The following TANGO6 variants were observed in gnomAD, a reference collection of about 807,000 sequenced individuals.
The protein encoded by TANGO6 is transport and golgi organization 6 homolog, also known as transport and Golgi organization protein 6 homolog.
A neutral mutation model predicts 114.2 loss-of-function variants in TANGO6; 90 were observed. The ratio of observed to expected loss-of-function variants is 0.79; its 90% CI spans 0.66 to 0.94. The LOEUF is 0.94. Ranked by LOEUF, TANGO6 falls within the 40% of genes least tolerant of loss-of-function variation. TANGO6 has a pLI of 0.00. For missense variants in TANGO6, 1,274 were observed against 1,315.3 expected, an observed-to-expected ratio of 0.97 and a Z score of 0.49; for synonymous variants, 477 against 509.8, an observed-to-expected ratio of 0.94 and a Z score of 0.87.
intron 17 of TANGO6, 81 bp downstream of exon 17, chr16:69,040,502 C>A: frequency 8.7e-7 from 1 of 1,144,028 alleles, no homozygotes; most frequent in South Asian, 1.4e-5. Flanking sequence ...CCAGGGAAGG[C>A]CTCAAACCTC....
intron 6 of TANGO6, among the ~76,000 whole-genome samples, chr16:68,878,718 A>C (rs528882625): frequency 2.5e-4 from 38 of 152,136 alleles, no homozygotes; most frequent in Non-Finnish European, 4.3e-4. Flanking sequence ...ATTCCATTCA[A>C]ACTTCTCTAA....
chr16:68,941,795 G>T (rs1488132335), intron 14 of TANGO6, among the ~76,000 whole-genome samples: 1 of 151,938 alleles, frequency 6.6e-6, no homozygotes, highest in African/African-American at 2.4e-5. Flanking sequence ...GTTTCTCAAA[G>T]ATATTAAAAG....
At position 69,033,143 on chromosome 16, in the gene TANGO6, A is replaced by C. The variant is rs940539305; in HGVS notation, c.2995-7165A>C. Among the ~76,000 whole-genome samples, 6 of 152,220 alleles carry C rather than the reference A, an allele frequency of 3.9e-5. No homozygotes were observed. The East Asian group carries it at 1.2e-3, about 29-fold the overall frequency. On this transcript the variant is annotated intron_variant, in intron 16 of 17. Transcript: ENST00000261778. ...GGAGGTTGCAGTGAGCTGAGATCAC[A>C]CCACTGTACTCCAGCCTGGGCAACA...
chr16:69,057,705 A>G (rs1450808783), intron 17 of TANGO6, among the ~76,000 whole-genome samples: 1 of 152,224 alleles, frequency 6.6e-6, no homozygotes, highest in Non-Finnish European at 1.5e-5. Flanking sequence ...AAAAGAGGCC[A>G]GACCACATCC....
In TANGO6 at chr16:69,084,909, T is replaced by C. The variant is rs2152247051; in HGVS notation, c.*1248T>C. On this transcript the variant is annotated 3_prime_UTR_variant, in exon 18 of 18. Transcript: ENST00000261778. ...TTTCTCTCTGGCCAGATCACAGACA[T>C]GGTTCTGAGTCAGATCTTCCTTGGT... 1 of 152,460 alleles carries C rather than the reference T, an allele frequency of 6.6e-6. No homozygotes were observed. The highest frequency in any genetic ancestry group is 2.1e-4 in the South Asian group (1 of 4,830). The allele number at this position is 152,460 out of a possible 1,614,324, so 9.4% of individuals were successfully genotyped here.
At chr16:68,966,830 G>A (rs1963651130) in intron 14 of TANGO6, among the ~76,000 whole-genome samples, 1 of 149,328 alleles carries the variant, frequency 6.7e-6, no homozygotes, top group Non-Finnish European at 1.5e-5. Flanking sequence ...GGAGTGCAGT[G>A]GCATGATCTC....
intron 15 of TANGO6, among the ~76,000 whole-genome samples, chr16:68,976,607 C>T (rs2152213665): frequency 6.6e-6 from 1 of 152,272 alleles, no homozygotes; most frequent in African/African-American, 2.4e-5. Context: ...AACCTGTGCT[C>T]CATAGACTTA....
intron 15 of TANGO6, among the ~76,000 whole-genome samples, chr16:69,014,483 G>A (rs1959256024): frequency 1.3e-5 from 2 of 152,166 alleles, no homozygotes; most frequent in South Asian, 2.1e-4. Flanking sequence ...GAATCACATG[G>A]GGAGGGATGG....
At chr16:68,894,269 A>T (rs1962673959) in intron 7 of TANGO6, among the ~76,000 whole-genome samples, 2 of 152,194 alleles carry the variant, frequency 1.3e-5, no homozygotes, top group South Asian at 4.1e-4. Flanking sequence ...AAGTGACCAG[A>T]TTCTACTTTG....
intron 17 of TANGO6, among the ~76,000 whole-genome samples, chr16:69,068,303 T>C (rs1377674679): frequency 1.3e-5 from 2 of 152,000 alleles, no homozygotes; most frequent in East Asian, 1.9e-4. Flanking sequence ...GTCTCAATAA[T>C]AGTAATAGTC....
intron 15 of TANGO6, among the ~76,000 whole-genome samples, chr16:69,022,609 T>C (rs140661262): frequency 6.6e-6 from 1 of 151,424 alleles, no homozygotes; most frequent in African/African-American, 2.4e-5. Context: ...GAGACTGAGG[T>C]GGGAGAATCA....
chr16:68,947,431 C>T (rs559750782), intron 14 of TANGO6, among the ~76,000 whole-genome samples: 3 of 150,430 alleles, frequency 2.0e-5, no homozygotes, highest in African/African-American at 2.4e-5. Context: ...TCCAGCCTGG[C>T]GACAGAGTAA....
intron 17 of TANGO6, among the ~76,000 whole-genome samples, chr16:69,054,145 A>G (rs1360021791): frequency 6.6e-6 from 1 of 152,134 alleles, no homozygotes; most frequent in Non-Finnish European, 1.5e-5. Flanking sequence ...GTGGAAAGAG[A>G]AGGATGGAGG....
At chr16:68,980,170 T>G (rs1330623334) in intron 15 of TANGO6, among the ~76,000 whole-genome samples, 1 of 151,812 alleles carries the variant, frequency 6.6e-6, no homozygotes, top group Non-Finnish European at 1.5e-5. Context: ...TTTAAAAGTT[T>G]TATGTATTTA....
At chr16:68,857,406 T>TA (rs921883363) in intron 1 of TANGO6, among the ~76,000 whole-genome samples, 5 of 151,574 alleles carry the variant, frequency 3.3e-5, no homozygotes, top group East Asian at 1.9e-4. Context: ...TTTTTCTTTC[T>TA]AAAAAAAAAT....
chr16:68,859,202 GCTCTGT>G (rs1293046614), intron 1 of TANGO6, among the ~76,000 whole-genome samples: 2 of 152,058 alleles, frequency 1.3e-5, no homozygotes, highest in Non-Finnish European at 2.9e-5. Flanking sequence ...ACTGGGTCTT[GCTCTGT>G]CACCCAGGCT....
At chr16:69,069,228 CAG>C (rs2152242530) in intron 17 of TANGO6, among the ~76,000 whole-genome samples, 1 of 152,312 alleles carries the variant, frequency 6.6e-6, no homozygotes, top group African/African-American at 2.4e-5. Context: ...GCCTCCCCAA[CAG>C]GGTGTGAGCT....
At chr16:68,846,995 A>C (rs1961819343) in intron 1 of TANGO6, 2 of 151,196 alleles carry the variant, frequency 1.3e-5, no homozygotes, top group African/African-American at 4.9e-5. Context: ...GATTCAAGCG[A>C]TTCTCCTGCC....
At chr16:68,983,423 A>G (rs1963860063) in intron 15 of TANGO6, among the ~76,000 whole-genome samples, 1 of 152,092 alleles carries the variant, frequency 6.6e-6, no homozygotes, top group Admixed American at 6.6e-5. Flanking sequence ...AGTCCAGTTC[A>G]GAAACATTAA....
Sources: allele counts gnomAD v4.1 joint callset (sites outside exome capture counted in the v4.1 genomes callset), GRCh38; gene constraint gnomAD v4.1.1; transcripts MANE v1.5; gene names NCBI Gene and HGNC (gene_info 2026-07-23, HGNC 2026-07-21).